The following DOCK6 variants were observed in gnomAD, a reference collection of about 807,000 sequenced individuals.
DOCK6 encodes the protein dedicator of cytokinesis protein 6.
Under a neutral mutation model 230.3 loss-of-function variants are expected in DOCK6, and 167 were observed. That is an observed-to-expected ratio of 0.73 (90% CI 0.64 to 0.82). The LOEUF is 0.82. Ranked by LOEUF, DOCK6 falls within the 40% of genes least tolerant of loss-of-function variation. DOCK6 has a pLI of 0.00. For synonymous variants in DOCK6, 1,148 were observed against 1,185.0 expected (o/e 0.97, Z 0.64); for missense variants, 2,598 against 2,825.8 (o/e 0.92, Z 1.83).
In DOCK6 at chr19:11,238,077, G is replaced by A. The variant is rs769503097; in HGVS notation, c.1800C>T (p.Arg600=). The A allele has an allele frequency of 2.3e-5, 37 of 1,613,732 alleles. No homozygotes were observed. Among genetic ancestry groups the A allele is most frequent in the African/African-American group, 2.3e-4 (17 of 74,866 alleles). The change falls in exon 16 of 48, where the codon CGC becomes CGT. Residue 600 remains arginine (R), a synonymous_variant. Coordinates refer to ENST00000294618, the MANE Select transcript of DOCK6 (RefSeq NM_020812.4). ...FGKSSCSEFT[R]EAFTPVVYHN... ...GGTAGACCACCGGTGTGAAGGCCTC[G>A]CGGGTAAATTCACTGCAGCTGGACT...
chr19:11,261,756 A>C (rs2080292920), intron 1 of DOCK6, among the ~76,000 whole-genome samples: 1 of 151,740 alleles, frequency 6.6e-6, no homozygotes, highest in African/African-American at 2.4e-5. Flanking sequence ...CCCTCCATTC[A>C]ATCACCCATC....
intron 16 of DOCK6, 47 bp from the exon 17 acceptor site, chr19:11,237,826 T>C: frequency 6.6e-7 from 1 of 1,520,066 alleles, no homozygotes; most frequent in Non-Finnish European, 8.9e-7. Flanking sequence ...GGGTCCCCAC[T>C]GTCTGCCCCA....
rs2079175826 is a variant in DOCK6 at position 11,201,954 on chromosome 19, G to T, written c.5623C>A (p.Leu1875Met). The T allele has an allele frequency of 1.2e-6, 2 of 1,612,524 alleles. No homozygotes were observed. The highest frequency in any genetic ancestry group is 2.7e-5 in the African/African-American group (2 of 74,898). Residue 1875 changes from leucine to methionine, a missense_variant, in exon 44 of 48, where the codon CTG becomes ATG. By Grantham distance (15) the Leu-to-Met change is conservative. Transcript: ENST00000294618. This position sits in a 1 kb window ranked among gnomAD's most constrained non-coding sequence, Gnocchi z 4.3. ...ELPEQHKRKT[L>M]LSTDHAFPYI... ...GGGAAGGCGTGGTCGGTGCTGAGCA[G>T]CGTCTTACGCTTGTGTTGCTCGGGC...
Position 11,202,814 on chromosome 19 carries a change from C to G in DOCK6, c.5236-105G>C. 1 of 1,576,742 alleles carries G rather than the reference C, an allele frequency of 6.3e-7. No homozygotes were observed. Among genetic ancestry groups the G allele is most frequent in the Non-Finnish European group, 8.6e-7 (1 of 1,161,526 alleles). On this transcript the variant is annotated intron_variant, in intron 41 of 47. Transcript: ENST00000294618. This position sits in a 1 kb window ranked among gnomAD's most constrained non-coding sequence, Gnocchi z 5.3. ...TATCAGGATGGGAGTGTGAGGACCC[C>G]GAGAACATCAGGGCATGGGCACAGG...
Position 11,202,693 on chromosome 19 carries a change from T to A in DOCK6, c.5252A>T (p.Tyr1751Phe). Residue 1751 changes from tyrosine (Y) to phenylalanine (F), a missense_variant, in exon 42 of 48, where the codon TAT becomes TTT. Transcript: ENST00000294618. This position sits in a 1 kb window ranked among gnomAD's most constrained non-coding sequence, Gnocchi z 5.3. ...GGCGCCGTAGAAGCCCACGCGGAAA[T>A]ACGTCCCGAACACGCGCTGGGGCTG... Reference protein sequence around the residue: ...SSGWERVFGTYFRVGFYGAHF... With the variant: ...SSGWERVFGTFFRVGFYGAHF... 1.2e-6 allele frequency: 2 copies of A among 1,613,964 alleles called. No individual in the cohort carries two copies. Among genetic ancestry groups the A allele is most frequent in the Non-Finnish European group, 1.7e-6 (2 of 1,179,898 alleles).
intron 1 of DOCK6, among the ~76,000 whole-genome samples, chr19:11,255,020 G>A (rs1347769870): frequency 6.6e-6 from 1 of 152,052 alleles, no homozygotes; most frequent in Non-Finnish European, 1.5e-5. Flanking sequence ...TTTTTTTTCT[G>A]AGATGGAGTT....
intron 23 of DOCK6, 81 bp downstream of exon 23, chr19:11,228,859 G>T: frequency 7.2e-7 from 1 of 1,395,604 alleles, no homozygotes; most frequent in Non-Finnish European, 1.0e-6. Context: ...ACTATGCCTG[G>T]CCAGGGGGCT....
Position 11,200,311 on chromosome 19 carries a change from A to C in DOCK6, c.6098T>G (p.Leu2033Arg). 1.3e-6 allele frequency: 2 copies of C among 1,563,244 alleles called. No individual in the cohort carries two copies. Among genetic ancestry groups the C allele is most frequent in the Non-Finnish European group, 1.7e-6 (2 of 1,153,878 alleles). The change falls in exon 47 of 48, where the codon CTC becomes CGC. Residue 2033 changes from leucine (L) to arginine (R), a missense_variant. Coordinates refer to ENST00000294618, the MANE Select transcript of DOCK6 (RefSeq NM_020812.4). This position sits in a 1 kb window ranked among gnomAD's most constrained non-coding sequence, Gnocchi z 4.3. Reference protein sequence around the residue: ...PQLMAPTPPGLRNSLNRASFR... With the variant: ...PQLMAPTPPGRRNSLNRASFR... ...ATGGGGGCACTAGGTCAGGCACCTG[A>C]GGCCGGGTGGGGTGGGTGCCATCAG...
rs568448390 is a variant in DOCK6 at position 11,241,796 on chromosome 19, G to A, written c.1643+249C>T. 36 of 1,511,026 alleles carry A rather than the reference G, an allele frequency of 2.4e-5. No individual in the cohort carries two copies. The East Asian group carries it at 3.4e-4, about 14-fold the overall frequency. 93.6% of individuals were successfully genotyped at this position (1,511,026 alleles called of 1,614,324 possible). ...CCTGTTCACTGGGATCAGCCAGGGCGCCGGGCCCCACTTCTGAGCACAGAG... is the reference window on the plus strand; with the variant it reads ...CCTGTTCACTGGGATCAGCCAGGGCACCGGGCCCCACTTCTGAGCACAGAG... On this transcript the variant is annotated intron_variant, in intron 14 of 47. Coordinates refer to ENST00000294618, the MANE Select transcript of DOCK6 (RefSeq NM_020812.4).
At chr19:11,211,684 C>A (rs2079388608) in intron 37 of DOCK6, 92 bp downstream of exon 37, 1 of 1,044,880 alleles carries the variant, frequency 9.6e-7, no homozygotes, top group African/African-American at 1.6e-5. Context: ...CCTGCTCCCT[C>A]CTCACCTCCT....
chr19:11,199,402 C>T lies in DOCK6; in HGVS notation c.*95G>A, dbSNP rs1309284331. The stretch of plus-strand genomic sequence containing the variant: ...CCCCAAGTACAGTGTGGTCACCCCA[C>T]AGCCCAGTGGGCACCAGGGCAGACT... On this transcript the variant is annotated 3_prime_UTR_variant, in exon 48 of 48. Transcript: ENST00000294618. 4 of 1,459,160 alleles carry T rather than the reference C, an allele frequency of 2.7e-6. No individual in the cohort carries two copies. Among genetic ancestry groups the T allele is most frequent in the South Asian group, 1.2e-5 (1 of 81,998 alleles). 90.4% of individuals were successfully genotyped at this position (1,459,160 alleles called of 1,614,324 possible).
intron 14 of DOCK6, chr19:11,239,701 G>A: frequency 6.2e-7 from 1 of 1,613,616 alleles, no homozygotes. Flanking sequence ...TGCCTCAGCG[G>A]CCCCCATGGG....
chr19:11,244,669 G>A (rs2080005231), intron 9 of DOCK6, among the ~76,000 whole-genome samples: 1 of 151,876 alleles, frequency 6.6e-6, no homozygotes, highest in Non-Finnish European at 1.5e-5. Flanking sequence ...CCATTGGTCA[G>A]GCTGGTCTGG....
intron 1 of DOCK6, among the ~76,000 whole-genome samples, chr19:11,258,603 T>A (rs990429954): frequency 1.3e-5 from 2 of 150,682 alleles, no homozygotes; most frequent in African/African-American, 4.9e-5. Flanking sequence ...CAGCTAATTT[T>A]TGTATTTTTA....
intron 6 of DOCK6, among the ~76,000 whole-genome samples, chr19:11,248,823 G>A (rs566580511): frequency 6.6e-6 from 1 of 152,324 alleles, no homozygotes; most frequent in Admixed American, 6.5e-5. Context: ...CAACAATACA[G>A]TGGGTACCCA....
rs1192381526 is a variant in DOCK6, at chr19:11,237,498, A to G, written c.2031T>C (p.Ser677=). ...AATAGCTGGGCGGCGGCTGGTCCAC[A>G]GACACTGGGAGACAGAAGGGGCCGG... The part of the protein sequence containing the change: ...LRTGPFCLPV[S]VDQPPPSYSV... The change falls in exon 18 of 48, where the codon TCT becomes TCC. Residue 677 remains serine, a synonymous_variant. Transcript: ENST00000294618. The G allele has an allele frequency of 1.2e-6, 2 of 1,613,420 alleles. No individual in the cohort carries two copies. The highest frequency in any genetic ancestry group is 8.5e-7 in the Non-Finnish European group (1 of 1,179,766).
At position 11,217,057 on chromosome 19, in the gene DOCK6, G is replaced by T. The variant is rs374788052; in HGVS notation, c.3751C>A (p.Arg1251=). The change falls in exon 30 of 48, where the codon CGG becomes AGG. Residue 1251 remains arginine (R), a synonymous_variant. Coordinates refer to ENST00000294618, the MANE Select transcript of DOCK6 (RefSeq NM_020812.4). ...AGCALSAESS[R]TLLACVLWVL... ...CACAGCACACACGCCAGCAAGGTCC[G>T]GCTTGACTCAGCAGAGAGGGCACAG... The T allele has an allele frequency of 1.2e-6, 2 of 1,613,412 alleles. No individual in the cohort carries two copies. Among genetic ancestry groups the T allele is most frequent in the Non-Finnish European group, 1.7e-6 (2 of 1,179,770 alleles).
chr19:11,235,635 G>A lies in DOCK6; in HGVS notation c.2517C>T (p.Ala839=), dbSNP rs564520057. The A allele has an allele frequency of 8.7e-6, 14 of 1,604,010 alleles. No homozygotes were observed. In the African/African-American group the frequency reaches 1.1e-4, roughly 12 times the overall value. ...CPQLAAYVHY[A]FRLPGTEPSL... ...TGGGCTCAGTGCCAGGAAGGCGAAA[G>A]GCGTAGTGGACGTAGGCAGCCAGCT... Residue 839 remains alanine (A), a synonymous_variant, in exon 21 of 48, where the codon GCC becomes GCT. Transcript: ENST00000294618.
chr19:11,200,270 C>T lies in DOCK6; in HGVS notation c.6101+38G>A. On this transcript the variant is annotated intron_variant, in intron 47 of 47. Coordinates refer to ENST00000294618, the MANE Select transcript of DOCK6 (RefSeq NM_020812.4). The surrounding 1 kb of genome is among the most constrained non-coding windows in gnomAD (Gnocchi z 4.3). ...CTGTCCTGGTCTGCCTCTGCATCCC[C>T]TCTCTAGTCTCTAGGATGGGGGCAC... 1 of 1,541,708 alleles carries T rather than the reference C, an allele frequency of 6.5e-7. No homozygotes were observed.
Sources: gnomAD v4.1 joint callset for allele counts (sites outside exome capture counted in the v4.1 genomes callset) on GRCh38, gnomAD v4.1.1 for gene constraint, Gnocchi (gnomAD v3.1) non-coding constraint, MANE v1.5 for transcripts, NCBI Gene and HGNC (gene_info 2026-07-23, HGNC 2026-07-21) for gene names.